SLC45A4: variants seen among roughly 807,000 people sequenced by gnomAD.
SLC45A4 encodes solute carrier family 45 member 4, also known as polyamine-transporter SLC45A4.
Under a neutral mutation model 63.7 loss-of-function variants are expected in SLC45A4, and 32 were observed. The observed-to-expected ratio is 0.50, with a 90% confidence interval of 0.38 to 0.67. The LOEUF (loss-of-function observed/expected upper bound fraction) is 0.67, where lower values mean the gene tolerates loss of function less well. Ranked by LOEUF, SLC45A4 falls within the 30% of genes least tolerant of loss-of-function variation. The pLI, the probability that SLC45A4 is intolerant of heterozygous loss-of-function variation, is 0.00. For missense variants in SLC45A4, 1,027 were observed against 1,157.7 expected, an observed-to-expected ratio of 0.89 and a Z score of 1.64; for synonymous variants, 535 against 510.0, an observed-to-expected ratio of 1.05 and a Z score of -0.66.
chr8:141,266,142 C>T (rs1241571356), intron 1 of SLC45A4, among the ~76,000 whole-genome samples: 1 of 152,202 alleles, frequency 6.6e-6, no homozygotes, highest in Non-Finnish European at 1.5e-5. Flanking sequence ...AGGAGAATTC[C>T]GTGAGCCATG....
Position 141,254,267 on chromosome 8 carries a change from T to A in SLC45A4, c.-38A>T. On this transcript the variant is annotated 5_prime_UTR_variant, in exon 2 of 9. Transcript: ENST00000517878. This position sits in a 1 kb window ranked among gnomAD's most constrained non-coding sequence, Gnocchi z 4.5. ...TATATGTATTTATCTATATATTCTA[T>A]CTATATAAATAATGCTTTCATATAT... 2.1e-6 allele frequency: 3 copies of A among 1,455,206 alleles called. No individual in the cohort carries two copies. Among genetic ancestry groups the A allele is most frequent in the Non-Finnish European group, 2.7e-6 (3 of 1,102,456 alleles). 90.1% of individuals were successfully genotyped at this position (1,455,206 alleles called of 1,614,324 possible). A position where few individuals can be genotyped will look rare whatever the true frequency, so the allele number is the denominator to read the frequency against.
At chr8:141,217,747 C>G (rs1260430328) in intron 5 of SLC45A4, among the ~76,000 whole-genome samples, 1 of 152,196 alleles carries the variant, frequency 6.6e-6, no homozygotes, top group Non-Finnish European at 1.5e-5. Context: ...ACACCCCGTT[C>G]ACACCAGTAT....
At chr8:141,220,110 G>A (rs1826510967) in intron 3 of SLC45A4, among the ~76,000 whole-genome samples, 1 of 152,222 alleles carries the variant, frequency 6.6e-6, no homozygotes, top group Non-Finnish European at 1.5e-5. Context: ...CAAACAGAAA[G>A]GGGAAGAATA....
At chr8:141,295,956 C>T (rs557061077) in intron 1 of SLC45A4, among the ~76,000 whole-genome samples, 6 of 152,284 alleles carry the variant, frequency 3.9e-5, no homozygotes, top group South Asian at 4.1e-4. Flanking sequence ...GGGGTCAGCC[C>T]GACAAGACCA....
Position 141,265,488 on chromosome 8 carries a change from G to A in SLC45A4, c.-400-10859C>T, listed in dbSNP as rs1044379419. On this transcript the variant is annotated intron_variant, in intron 1 of 8. Transcript: ENST00000517878. Reference sequence around the variant, plus strand: ...GTCCAACGCCCAGCAAACTACAGCCGTGAGGTCACTTTCTTAGAGCAAGCA... The same window carrying A: ...GTCCAACGCCCAGCAAACTACAGCCATGAGGTCACTTTCTTAGAGCAAGCA... Among the ~76,000 whole-genome samples the A allele has an allele frequency of 3.3e-5, 5 of 152,224 alleles. No homozygotes were observed. The East Asian group carries it at 5.8e-4, about 18-fold the overall frequency.
chr8:141,221,718 G>A lies in SLC45A4; in HGVS notation c.289C>T (p.Leu97Phe). ...YSLTWFLSPI[L>F]GLIFTPLIGS... is the part of the protein sequence containing the mutation. ...ATGAGAGGTGTGAAGATGAGGCCAA[G>A]GATGGGGCTCAGGAACCAGGTGAGG... Residue 97 changes from leucine to phenylalanine, a missense_variant, in exon 3 of 9, where the codon CTT (leucine) becomes TTT (phenylalanine). By Grantham distance (22) the Leu-to-Phe change is conservative. Transcript: ENST00000517878. The A allele has an allele frequency of 6.2e-7, 1 of 1,614,050 alleles. No homozygotes were observed. Among genetic ancestry groups the A allele is most frequent in the Non-Finnish European group, 8.5e-7 (1 of 1,180,012 alleles).
At chr8:141,300,764 T>C (rs991725971) in intron 1 of SLC45A4, among the ~76,000 whole-genome samples, 11 of 152,264 alleles carry the variant, frequency 7.2e-5, no homozygotes, top group African/African-American at 1.2e-4. Context: ...ACAATTCCAC[T>C]GTCTTACATT....
chr8:141,270,950 T>C (rs1330654725), intron 1 of SLC45A4, among the ~76,000 whole-genome samples: 1 of 152,134 alleles, frequency 6.6e-6, no homozygotes, highest in Non-Finnish European at 1.5e-5. Context: ...GGGCATGGCC[T>C]GGCGAGACAG....
chr8:141,248,282 G>C (rs1828309226), intron 2 of SLC45A4, among the ~76,000 whole-genome samples: 1 of 152,192 alleles, frequency 6.6e-6, no homozygotes, highest in African/African-American at 2.4e-5. Flanking sequence ...TAGGAAAATG[G>C]AAAGGAACCT....
At chr8:141,297,324 G>A (rs1023775452) in intron 1 of SLC45A4, among the ~76,000 whole-genome samples, 3 of 152,194 alleles carry the variant, frequency 2.0e-5, no homozygotes, top group Non-Finnish European at 4.4e-5. Context: ...GCTGGCGGGG[G>A]AGGTAGGCCT....
chr8:141,220,148 C>T (rs181783653), intron 3 of SLC45A4, among the ~76,000 whole-genome samples: 47 of 152,330 alleles, frequency 3.1e-4, no homozygotes, highest in South Asian at 1.2e-3. Flanking sequence ...CATCAGAGGA[C>T]GGCTGCTGTG....
rs373637750 is a variant in SLC45A4, at chr8:141,216,423, C to G, written c.1730-453G>C. On this transcript the variant is annotated intron_variant, in intron 6 of 8. Coordinates refer to ENST00000517878, the MANE Select transcript of SLC45A4 (RefSeq NM_001286646.2). Reference sequence around the variant, plus strand: ...TGTTCTTCCCTCACCCTTCCTGATGCGGCAGCTCAGACGGCACCTCCCCTG... The same window carrying G: ...TGTTCTTCCCTCACCCTTCCTGATGGGGCAGCTCAGACGGCACCTCCCCTG... 1.4e-3 allele frequency among the ~76,000 whole-genome samples: 209 copies of G among 152,354 alleles called. 6 individuals are homozygous for G. In the South Asian group the frequency reaches 0.037, roughly 27 times the overall value.
intron 2 of SLC45A4, among the ~76,000 whole-genome samples, chr8:141,249,154 A>G (rs1167011905): frequency 6.6e-6 from 1 of 152,214 alleles, no homozygotes; most frequent in East Asian, 1.9e-4. Flanking sequence ...GAACTGTCCT[A>G]CGCTGCAGTG....
At chr8:141,255,147 C>A (rs1465417237) in intron 1 of SLC45A4, among the ~76,000 whole-genome samples, 1 of 152,072 alleles carries the variant, frequency 6.6e-6, no homozygotes, top group Non-Finnish European at 1.5e-5. Flanking sequence ...GGCTGGAGTG[C>A]GGTCACACGA....
intron 1 of SLC45A4, among the ~76,000 whole-genome samples, chr8:141,281,685 A>T (rs1829953752): frequency 6.6e-6 from 1 of 152,170 alleles, no homozygotes; most frequent in Non-Finnish European, 1.5e-5. Flanking sequence ...AAAACACAGG[A>T]CCATCTAGCT....
At chr8:141,251,259 C>A (rs1828452918) in intron 2 of SLC45A4, among the ~76,000 whole-genome samples, 1 of 152,088 alleles carries the variant, frequency 6.6e-6, no homozygotes, top group Non-Finnish European at 1.5e-5. Context: ...ACCCAACTTC[C>A]CCCTGGCTAA....
intron 1 of SLC45A4, among the ~76,000 whole-genome samples, chr8:141,291,927 T>A (rs867257695): frequency 1.3e-5 from 2 of 152,196 alleles, no homozygotes; most frequent in Middle Eastern, 3.4e-3. Flanking sequence ...AGATAAAACG[T>A]TCATCTCATC....
chr8:141,305,759 A>G (rs1287521259), intron 1 of SLC45A4, among the ~76,000 whole-genome samples: 1 of 152,104 alleles, frequency 6.6e-6, no homozygotes. Flanking sequence ...AACGACAATC[A>G]CAGCCCGAAC....
chr8:141,291,061 C>A (rs191810214), intron 1 of SLC45A4, among the ~76,000 whole-genome samples: 274 of 152,276 alleles, frequency 1.8e-3, no homozygotes, highest in Middle Eastern at 6.8e-3. Context: ...GTTGGCCAGG[C>A]TGGTCTCAAA....
Sources: allele counts gnomAD v4.1 joint callset (sites outside exome capture counted in the v4.1 genomes callset), GRCh38; gene constraint gnomAD v4.1.1; non-coding constraint Gnocchi (gnomAD v3.1); transcripts MANE v1.5; gene names NCBI Gene and HGNC (gene_info 2026-07-23, HGNC 2026-07-21).